The following PLA2G12A variants were observed in gnomAD, a reference collection of about 807,000 sequenced individuals.
PLA2G12A encodes the protein phospholipase A2 group XIIA.
PLA2G12A carries 11 observed loss-of-function variants against 16.0 expected under a neutral mutation model. The observed-to-expected ratio is 0.69, with a 90% CI of 0.43 to 1.13. The LOEUF is 1.13. Ranked by LOEUF, PLA2G12A falls within the 50% of genes most tolerant of loss-of-function variation. The pLI is 0.00. For missense variants in PLA2G12A, 214 were observed against 237.3 expected (o/e 0.90, Z 0.65); for synonymous variants, 77 against 93.8 (o/e 0.82, Z 1.03).
At chr4:109,722,665 T>C (rs1722826179) in intron 1 of PLA2G12A, among the ~76,000 whole-genome samples, 1 of 152,246 alleles carries the variant, frequency 6.6e-6, no homozygotes, top group African/African-American at 2.4e-5. Context: ...CCACCCAGTT[T>C]AAGGCATTTT....
At chr4:109,714,540 T>C (rs1453674159) in intron 3 of PLA2G12A, 45 bp from the exon 4 acceptor site, 1 of 1,228,498 alleles carries the variant, frequency 8.1e-7, no homozygotes, top group Non-Finnish European at 1.2e-6. Flanking sequence ...ACTGCATTGC[T>C]CTTTTCACCT....
At position 109,712,968 on chromosome 4, in the gene PLA2G12A, G is replaced by T. The variant is rs1730761849; in HGVS notation, c.*1409C>A. On this transcript the variant is annotated 3_prime_UTR_variant, in exon 4 of 4. Coordinates refer to ENST00000243501, the MANE Select transcript of PLA2G12A (RefSeq NM_030821.5). ...GAACAGCTGCCACCAATTCAAGTTGGAAGATACTAGGTTCCCGGCAATGAC... is the reference window on the plus strand; with the variant it reads ...GAACAGCTGCCACCAATTCAAGTTGTAAGATACTAGGTTCCCGGCAATGAC... The T allele has an allele frequency of 6.6e-6, 1 of 152,170 alleles. No homozygotes were observed. Among genetic ancestry groups the T allele is most frequent in the African/African-American group, 2.4e-5 (1 of 41,424 alleles). The allele number at this position is 152,170 out of a possible 1,614,324, so 9.4% of individuals were successfully genotyped here.
intron 1 of PLA2G12A, among the ~76,000 whole-genome samples, chr4:109,727,492 T>C (rs1239868518): frequency 2.0e-5 from 3 of 151,966 alleles, no homozygotes; most frequent in Non-Finnish European, 4.4e-5. Context: ...AAACGTAGAG[T>C]ACTTACTAAG....
intron 1 of PLA2G12A, among the ~76,000 whole-genome samples, chr4:109,720,795 G>A (rs1730926202): frequency 2.0e-5 from 3 of 151,816 alleles, no homozygotes; most frequent in African/African-American, 7.3e-5. Context: ...TGGGCTGGGA[G>A]CGGTGGCTCA....
In PLA2G12A at chr4:109,714,957, TTTTGTTTG is replaced by T. The variant is rs3086325; in HGVS notation, c.452-470_452-463del. Among the ~76,000 whole-genome samples, 593 of 150,794 alleles carry T rather than the reference TTTTGTTTG, an allele frequency of 3.9e-3. 7 individuals carry two copies. Among genetic ancestry groups the T allele is most frequent in the African/African-American group, 0.013 (541 of 41,172 alleles). On this transcript the variant is annotated intron_variant, in intron 3 of 3. Transcript: ENST00000243501. ...GACACACAACACCACACCCAGCTAT[TTTTGTTTG>T]TTTGTTTGTTTGTTTGTTTGTTTTT... is the stretch of plus-strand genomic sequence containing the variant.
Position 109,718,776 on chromosome 4 carries a change from T to C in PLA2G12A, c.209-17A>G. The C allele has an allele frequency of 6.7e-7, 1 of 1,495,790 alleles. No homozygotes were observed. The highest frequency in any genetic ancestry group is 9.1e-7 in the Non-Finnish European group (1 of 1,102,050). The allele number at this position is 1,495,790 out of a possible 1,614,324, so 92.7% of individuals were successfully genotyped here. A position where few individuals can be genotyped will look rare whatever the true frequency, so the allele number is the denominator to read the frequency against. ...GCTTAGATCCTATAAAATATAATGGTATCATAATTAATTTTCAAATATGAT... is the reference window on the plus strand; with the variant it reads ...GCTTAGATCCTATAAAATATAATGGCATCATAATTAATTTTCAAATATGAT... On this transcript the variant is annotated splice_polypyrimidine_tract_variant and intron_variant, in intron 1 of 3. Transcript: ENST00000243501.
intron 3 of PLA2G12A, 74 bp from the exon 4 acceptor site, chr4:109,714,569 C>G: frequency 1.1e-6 from 1 of 934,504 alleles, no homozygotes; most frequent in Non-Finnish European, 1.8e-6. Flanking sequence ...CATTACAGCA[C>G]AGCAACAAGC....
At chr4:109,714,652 T>TAC (rs2126166177) in intron 3 of PLA2G12A, among the ~76,000 whole-genome samples, 157 bp from the exon 4 acceptor site, 2 of 152,194 alleles carry the variant, frequency 1.3e-5, no homozygotes, top group East Asian at 3.9e-4. Flanking sequence ...CATATTTACA[T>TAC]ACACACATAT....
intron 1 of PLA2G12A, among the ~76,000 whole-genome samples, chr4:109,719,348 G>A (rs138379127): frequency 1.4e-3 from 213 of 152,124 alleles, no homozygotes; most frequent in African/African-American, 4.5e-3. Flanking sequence ...CCCTCCCACC[G>A]AGTCAACCAT....
At position 109,729,817 on chromosome 4, in the gene PLA2G12A, G is replaced by T; in HGVS notation, c.-8C>A. ...GCGCGAGAGCAGGGCCATGCGCGCAGCGCCGGGCTCTACGGGTCCCCGAGC... is the reference window on the plus strand; with the variant it reads ...GCGCGAGAGCAGGGCCATGCGCGCATCGCCGGGCTCTACGGGTCCCCGAGC... On this transcript the variant is annotated 5_prime_UTR_variant, in exon 1 of 4. The change creates a new upstream start codon in the 5' untranslated region. Transcript: ENST00000243501. 3.2e-6 allele frequency: 5 copies of T among 1,546,716 alleles called. No homozygotes were observed. Among genetic ancestry groups the T allele is most frequent in the Non-Finnish European group, 4.4e-6 (5 of 1,145,852 alleles).
intron 1 of PLA2G12A, among the ~76,000 whole-genome samples, chr4:109,721,525 T>C (rs1730944074): frequency 6.6e-6 from 1 of 152,124 alleles, no homozygotes; most frequent in Admixed American, 6.6e-5. Context: ...CTTCACCAGG[T>C]TGGCCAGGCT....
chr4:109,711,997 C>T lies in PLA2G12A; in HGVS notation c.*2380G>A, dbSNP rs1185708054. The T allele has an allele frequency of 6.6e-6, 1 of 152,384 alleles. No homozygotes were observed. The highest frequency in any genetic ancestry group is 1.9e-4 in the East Asian group (1 of 5,198). The allele number at this position is 152,384 out of a possible 1,614,324, so 9.4% of individuals were successfully genotyped here. A position where few individuals can be genotyped will look rare whatever the true frequency, so the allele number is the denominator to read the frequency against. On this transcript the variant is annotated 3_prime_UTR_variant, in exon 4 of 4. Transcript: ENST00000243501. ...TATTCTACAAAACACCTGACCAGTA[C>T]TCCTCAAAACTGTCAAGGTTATGAA...
rs1730721118 is a variant in PLA2G12A, at chr4:109,711,134, A to G, written c.*3243T>C. The G allele has an allele frequency of 6.7e-6, 1 of 149,158 alleles. No homozygotes were observed. Among genetic ancestry groups the G allele is most frequent in the Admixed American group, 6.7e-5 (1 of 14,828 alleles). The allele number at this position is 149,158 out of a possible 1,614,324, so 9.2% of individuals were successfully genotyped here. Reference sequence around the variant, plus strand: ...AAAATATCAACTTTAAAATCTAAACATATGCCACAAAATTTTGGGACAAAT... The same window carrying G: ...AAAATATCAACTTTAAAATCTAAACGTATGCCACAAAATTTTGGGACAAAT... On this transcript the variant is annotated 3_prime_UTR_variant, in exon 4 of 4. Coordinates refer to ENST00000243501, the MANE Select transcript of PLA2G12A (RefSeq NM_030821.5).
intron 1 of PLA2G12A, among the ~76,000 whole-genome samples, chr4:109,720,652 A>T (rs1241302815): frequency 4.9e-5 from 7 of 141,626 alleles, no homozygotes; most frequent in African/African-American, 1.8e-4. Flanking sequence ...TATGAATTTT[A>T]AAAAAATAAA....
At chr4:109,726,221 C>T (rs1228885195) in intron 1 of PLA2G12A, among the ~76,000 whole-genome samples, 1 of 152,178 alleles carries the variant, frequency 6.6e-6, no homozygotes, top group Non-Finnish European at 1.5e-5. Flanking sequence ...AATTCTCTCC[C>T]TCGTCAGTAT....
intron 1 of PLA2G12A, among the ~76,000 whole-genome samples, chr4:109,720,980 A>C (rs1232850470): frequency 1.3e-5 from 2 of 152,124 alleles, no homozygotes; most frequent in Non-Finnish European, 2.9e-5. Context: ...CTGAGGCAGG[A>C]GAATCGCTTG....
chr4:109,729,964 GC>G lies in PLA2G12A; in HGVS notation c.-156del. 1.6e-6 allele frequency: 1 copy of G among 644,222 alleles called. No homozygotes were observed. The highest frequency in any genetic ancestry group is 4.4e-4 in the Middle Eastern group (1 of 2,288). 39.9% of individuals were successfully genotyped at this position (644,222 alleles called of 1,614,324 possible). A position where few individuals can be genotyped will look rare whatever the true frequency, so the allele number is the denominator to read the frequency against. On this transcript the variant is annotated 5_prime_UTR_variant, in exon 1 of 4. Transcript: ENST00000243501. ...CTTCCCGGCTGGCCCTCAGGATCTC[GC>G]TGTCTTTACGTGAACCGCCTCGGGC...
intron 1 of PLA2G12A, among the ~76,000 whole-genome samples, chr4:109,729,333 GA>G (rs768706288): frequency 1.7e-3 from 259 of 148,794 alleles, no homozygotes; most frequent in Admixed American, 1.9e-3. Context: ...TTGAGGGGGG[GA>G]AAAGGTAATT....
At chr4:109,717,512 A>C in intron 3 of PLA2G12A, 36 bp downstream of exon 3, 1 of 1,584,824 alleles carries the variant, frequency 6.3e-7, no homozygotes, top group Non-Finnish European at 8.6e-7. Flanking sequence ...AACTTTAAAA[A>C]GTACACTCAT....
Sources: gnomAD v4.1 joint callset for allele counts (sites outside exome capture counted in the v4.1 genomes callset) on GRCh38, gnomAD v4.1.1 for gene constraint, MANE v1.5 for transcripts, NCBI Gene and HGNC (gene_info 2026-07-23, HGNC 2026-07-21) for gene names.